UBE3D: variants seen among roughly 807,000 people sequenced by gnomAD.
UBE3D encodes E3 ubiquitin-protein ligase E3D.
In UBE3D, 48 loss-of-function variants were observed where a neutral mutation model predicts 49.6. The ratio of observed to expected loss-of-function variants is 0.97; its 90% confidence interval spans 0.77 to 1.23. The LOEUF is 1.23. UBE3D is among the 50% of genes most tolerant of loss of function. The probability of loss-of-function intolerance (pLI) is 0.00; values close to 1 mark genes in which losing one functional copy is unlikely to be tolerated. For synonymous variants in UBE3D, 189 were observed against 174.2 expected (o/e 1.08, Z -0.67); for missense variants, 452 against 468.4 (o/e 0.96, Z 0.32).
chr6:82,921,946 C>A (rs1460678231), intron 9 of UBE3D, among the ~76,000 whole-genome samples: 1 of 152,064 alleles, frequency 6.6e-6, no homozygotes, highest in Non-Finnish European at 1.5e-5. Context: ...TCCTAGGCTA[C>A]AAGAGACTTT....
intron 8 of UBE3D, among the ~76,000 whole-genome samples, chr6:83,013,193 T>C (rs1199666330): frequency 6.6e-6 from 1 of 152,190 alleles, no homozygotes; most frequent in Non-Finnish European, 1.5e-5. Context: ...AAGCACCCAG[T>C]TCATGATAGT....
At chr6:82,943,982 C>T (rs975305419) in intron 9 of UBE3D, among the ~76,000 whole-genome samples, 3 of 152,030 alleles carry the variant, frequency 2.0e-5, no homozygotes, top group Non-Finnish European at 2.9e-5. Flanking sequence ...AACTTGAGTT[C>T]AGTCAAGCTT....
chr6:83,043,162 G>A (rs1284875149), intron 4 of UBE3D, among the ~76,000 whole-genome samples: 1 of 152,184 alleles, frequency 6.6e-6, no homozygotes, highest in African/African-American at 2.4e-5. Context: ...ATGTAAATGT[G>A]ATGAATATAT....
chr6:83,039,511 G>T (rs1026040986), intron 4 of UBE3D, among the ~76,000 whole-genome samples: 1 of 152,124 alleles, frequency 6.6e-6, no homozygotes, highest in Admixed American at 6.5e-5. Context: ...TCTGAATCTG[G>T]GTCTCTCTGA....
intron 1 of UBE3D, chr6:83,063,184 G>GCT: frequency 3.5e-6 from 1 of 284,220 alleles, no homozygotes; most frequent in South Asian, 2.9e-5. Context: ...AGTCCAAAGT[G>GCT]GGTGGATCGC....
At chr6:82,923,044 A>C (rs1449503658) in intron 9 of UBE3D, among the ~76,000 whole-genome samples, 3 of 152,248 alleles carry the variant, frequency 2.0e-5, no homozygotes, top group African/African-American at 4.8e-5. Context: ...GCAATCATTA[A>C]AAAGTCAGGA....
chr6:82,977,485 C>T (rs1304249647), intron 8 of UBE3D, among the ~76,000 whole-genome samples: 1 of 152,134 alleles, frequency 6.6e-6, no homozygotes, highest in Non-Finnish European at 1.5e-5. Flanking sequence ...CCCTGATAAG[C>T]TCTTAATGAG....
chr6:82,884,646 G>T, the UBE3D span, among the ~76,000 whole-genome samples: 1 of 152,098 alleles, frequency 6.6e-6, no homozygotes, highest in Non-Finnish European at 1.5e-5. Flanking sequence ...AAATAAAAGT[G>T]CTCACTTATC....
chr6:83,016,160 A>G (rs1472882328), intron 8 of UBE3D, among the ~76,000 whole-genome samples: 4 of 152,192 alleles, frequency 2.6e-5, no homozygotes, highest in East Asian at 1.9e-4. Flanking sequence ...ACTCAAGGCC[A>G]TCTTAGCAGA....
At chr6:82,911,530 T>C (rs1253159009) in intron 9 of UBE3D, among the ~76,000 whole-genome samples, 7 of 152,346 alleles carry the variant, frequency 4.6e-5, no homozygotes, top group Admixed American at 2.6e-4. Context: ...AGGCAATATA[T>C]AGTCACAGAG....
chr6:83,023,650 G>A (rs868212148), intron 6 of UBE3D, among the ~76,000 whole-genome samples: 2 of 152,140 alleles, frequency 1.3e-5, no homozygotes, highest in Non-Finnish European at 2.9e-5. Context: ...ACCAAACATC[G>A]TATGTTCTCC....
intron 7 of UBE3D, among the ~76,000 whole-genome samples, chr6:83,020,344 T>TTTTTTTTTTTTTG (rs1347756785): frequency 8.2e-4 from 113 of 137,304 alleles, no homozygotes; most frequent in African/African-American, 3.3e-3. Context: ...TGATACTGTT[T>TTTTTTTTTTTTTG]TTTTTTTTTT....
chr6:83,049,580 T>G (rs1783319911), intron 3 of UBE3D: 1 of 286,948 alleles, frequency 3.5e-6, no homozygotes, highest in Non-Finnish European at 7.3e-6. Context: ...GTAGCTGGTC[T>G]GCCAAGTGGA....
intron 8 of UBE3D, among the ~76,000 whole-genome samples, chr6:83,001,727 T>C (rs906944804): frequency 5.9e-5 from 9 of 152,180 alleles, no homozygotes; most frequent in African/African-American, 2.2e-4. Context: ...TGAAGAGCTA[T>C]CATATTCAAA....
intron 4 of UBE3D, among the ~76,000 whole-genome samples, chr6:83,040,775 C>A (rs920276669): frequency 1.3e-5 from 2 of 152,178 alleles, no homozygotes; most frequent in African/African-American, 2.4e-5. Flanking sequence ...CCACAGTGTG[C>A]CATCTCTGGC....
intron 4 of UBE3D, among the ~76,000 whole-genome samples, chr6:83,041,013 T>C (rs907700640): frequency 9.2e-5 from 14 of 152,262 alleles, no homozygotes; most frequent in Admixed American, 9.2e-4. Context: ...AAAACATACC[T>C]GCATGGCTCC....
At chr6:83,038,192 T>A (rs970596079) in intron 5 of UBE3D, 1 of 400,988 alleles carries the variant, frequency 2.5e-6, no homozygotes, top group Non-Finnish European at 4.4e-6. Flanking sequence ...TGAAAATGAC[T>A]CAACTTCTTA....
At chr6:82,910,412 CCT>C (rs1772414797) in intron 9 of UBE3D, among the ~76,000 whole-genome samples, 2 of 152,116 alleles carry the variant, frequency 1.3e-5, no homozygotes, top group Non-Finnish European at 2.9e-5. Flanking sequence ...GAGAAAATAA[CCT>C]TTTATAGGAT....
In UBE3D at chr6:82,920,438, T is replaced by C. The variant is rs187213469; in HGVS notation, c.1150-27396A>G. ...TAATAGCACCATTTAAATAAAAATG[T>C]AAGATATATTACACATTTTGCTGCC... On this transcript the variant is annotated intron_variant, in intron 9 of 9. Coordinates refer to ENST00000369747, the MANE Select transcript of UBE3D (RefSeq NM_198920.3). Among the ~76,000 whole-genome samples the C allele has an allele frequency of 1.5e-3, 226 of 152,308 alleles. 2 individuals are homozygous for C. Among genetic ancestry groups the C allele is most frequent in the Non-Finnish European group, 9.4e-4 (64 of 68,014 alleles).
Sources: allele counts gnomAD v4.1 joint callset (sites outside exome capture counted in the v4.1 genomes callset), GRCh38; gene constraint gnomAD v4.1.1; transcripts MANE v1.5; gene names NCBI Gene and HGNC (gene_info 2026-07-23, HGNC 2026-07-21).